Variants in NOS2 observed in about 807,000 individuals in gnomAD.
The protein encoded by NOS2 is nitric oxide synthase 2, also known as nitric oxide synthase, inducible.
A neutral mutation model predicts 136.0 loss-of-function variants in NOS2; 96 were observed. The ratio of observed to expected loss-of-function variants is 0.71; its 90% CI spans 0.60 to 0.84. The LOEUF (loss-of-function observed/expected upper bound fraction) is 0.84. NOS2 is among the 40% of genes least tolerant of loss of function. The pLI, the probability that NOS2 is intolerant of heterozygous loss-of-function variation, is 0.00. For missense variants in NOS2, 1,237 were observed against 1,496.9 expected (o/e 0.83, Z 2.87); for synonymous variants, 539 against 587.5 (o/e 0.92, Z 1.20).
chr17:27,799,596 C>T (rs1216470451), intron 1 of NOS2, among the ~76,000 whole-genome samples: 4 of 152,216 alleles, frequency 2.6e-5, no homozygotes, highest in Admixed American at 2.6e-4. Flanking sequence ...GTAATCCCAG[C>T]ATTTCGGGAG....
intron 25 of NOS2, 123 bp from the exon 26 acceptor site, chr17:27,759,198 C>T (rs1567631777): frequency 1.6e-6 from 1 of 626,590 alleles, no homozygotes; most frequent in Non-Finnish European, 2.7e-6. Context: ...AGTCCCCTTC[C>T]AGCCAGGACC....
rs1908019667 is a variant in NOS2, at chr17:27,758,962, C to T, written c.3273G>A (p.Val1091=). The change falls in exon 26 of 27, where the codon GTG becomes GTA. Residue 1091 remains valine, a synonymous_variant. Transcript: ENST00000313735. ...CCACCAGCTGCTTCAGGGTGTGGGC[C>T]ACGTCCCGGGCCATGCGCACATCCC... is the stretch of plus-strand genomic sequence containing the variant. ...VCGDVRMARD[V]AHTLKQLVAA... 2 of 1,612,942 alleles carry T rather than the reference C, an allele frequency of 1.2e-6. No homozygotes were observed. Among genetic ancestry groups the T allele is most frequent in the Admixed American group, 1.7e-5 (1 of 59,938 alleles).
chr17:27,798,996 A>C, intron 1 of NOS2, 114 bp from the exon 2 acceptor site: 2 of 594,736 alleles, frequency 3.4e-6, no homozygotes, highest in Non-Finnish European at 6.0e-6. Context: ...GAGCCCCTTC[A>C]TCAATGCTTT....
At chr17:27,788,291 G>C (rs1909085504) in intron 4 of NOS2, among the ~76,000 whole-genome samples, 1 of 151,890 alleles carries the variant, frequency 6.6e-6, no homozygotes, top group South Asian at 2.1e-4. Flanking sequence ...TTGCTTTCAT[G>C]GTCCTGAAAT....
intron 7 of NOS2, 126 bp downstream of exon 7, chr17:27,781,889 T>C (rs1157857712): frequency 1.2e-6 from 1 of 804,322 alleles, no homozygotes; most frequent in East Asian, 2.7e-5. Context: ...AGTCTTTCTC[T>C]TTTTTCTTTC....
In NOS2 at chr17:27,774,331, T is replaced by C. The variant is rs199924341; in HGVS notation, c.1402A>G (p.Met468Val). Residue 468 changes from methionine to valine, a missense_variant, in exon 12 of 27, where the codon ATG becomes GTG. By Grantham distance (21) the Met-to-Val change is conservative. Coordinates refer to ENST00000313735, the MANE Select transcript of NOS2 (RefSeq NM_000625.4). ...AACACGGGGGTGATGCTCCCAGACA[T>C]GGGAGGGACCAGCCAAATCCAGTCT... ...PADWIWLVPPMSGSITPVFHQ... is the reference protein window; with the variant it reads ...PADWIWLVPPVSGSITPVFHQ... The C allele has an allele frequency of 1.6e-5, 26 of 1,584,922 alleles. No homozygotes were observed. Among genetic ancestry groups the C allele is most frequent in the Non-Finnish European group, 2.1e-5 (24 of 1,166,098 alleles).
At position 27,770,899 on chromosome 17, in the gene NOS2, C is replaced by G. The variant is rs202056984; in HGVS notation, c.1809+14G>C. 1 of 1,607,806 alleles carries G rather than the reference C, an allele frequency of 6.2e-7. No individual in the cohort carries two copies. The highest frequency in any genetic ancestry group is 1.3e-5 in the African/African-American group (1 of 74,940). On this transcript the variant is annotated intron_variant, in intron 15 of 26. Transcript: ENST00000313735. Reference sequence around the variant, plus strand: ...CTACCACCCCCTAGACCAGCCAGACCTCAAGCCACCCACCTCTCCATTGCC... The same window carrying G: ...CTACCACCCCCTAGACCAGCCAGACGTCAAGCCACCCACCTCTCCATTGCC...
Position 27,757,253 on chromosome 17 carries a change from G to C in NOS2, c.3455C>G (p.Ala1152Gly). 1.2e-6 allele frequency: 2 copies of C among 1,613,532 alleles called. No homozygotes were observed. The highest frequency in any genetic ancestry group is 1.7e-6 in the Non-Finnish European group (2 of 1,179,680). ...AVQPSSLEMS[A>G]L is the part of the protein sequence containing the mutation. ...AACCCCTCCTGTAGGCCCTCAGAGC[G>C]CTGACATCTCCAGGCTGCTGGGCTG... The change falls in exon 27 of 27, where the codon GCG becomes GGG. Residue 1152 changes from alanine (A) to glycine (G), a missense_variant. By Grantham distance (60) the Ala-to-Gly change is moderately conservative (BLOSUM62 0). Transcript: ENST00000313735.
At chr17:27,763,321 G>C (rs1036639100) in intron 21 of NOS2, among the ~76,000 whole-genome samples, 2 of 152,170 alleles carry the variant, frequency 1.3e-5, no homozygotes, top group African/African-American at 4.8e-5. Context: ...TCTTGGCTGG[G>C]TGTCCTCACT....
At chr17:27,776,834 G>T (rs893962363) in intron 11 of NOS2, among the ~76,000 whole-genome samples, 1 of 152,164 alleles carries the variant, frequency 6.6e-6, no homozygotes, top group Non-Finnish European at 1.5e-5. Flanking sequence ...ATAATCCTCA[G>T]ATGAGGGAGG....
At chr17:27,758,187 C>T (rs1487470684) in intron 26 of NOS2, among the ~76,000 whole-genome samples, 4 of 152,178 alleles carry the variant, frequency 2.6e-5, no homozygotes, top group Admixed American at 6.5e-5. Context: ...AATAAATGTT[C>T]AGTTGAACGT....
In NOS2 at chr17:27,760,041, C is replaced by T; in HGVS notation, c.3148G>A (p.Gly1050Ser). The change falls in exon 25 of 27, where the codon GGC becomes AGC. Residue 1050 changes from glycine to serine, a missense_variant. Coordinates refer to ENST00000313735, the MANE Select transcript of NOS2 (RefSeq NM_000625.4). The part of the protein sequence containing the change: ...AVHTAYSRLP[G>S]KPKVYVQDIL... The stretch of plus-strand genomic sequence containing the variant: ...GAGGCTGCATTTACCTTGGGCTTGC[C>T]AGGCAGGCGGGAATAGGCTGTGTGC... The T allele has an allele frequency of 6.5e-7, 1 of 1,535,238 alleles. No individual in the cohort carries two copies. Among genetic ancestry groups the T allele is most frequent in the Non-Finnish European group, 8.7e-7 (1 of 1,143,116 alleles).
intron 17 of NOS2, among the ~76,000 whole-genome samples, chr17:27,768,302 C>T: frequency 6.6e-6 from 1 of 152,238 alleles, no homozygotes; most frequent in South Asian, 2.1e-4. Context: ...CTGCCCACCT[C>T]AGCCTCCTAA....
chr17:27,793,656 C>T, intron 2 of NOS2: 1 of 397,032 alleles, frequency 2.5e-6, no homozygotes, highest in Non-Finnish European at 4.4e-6. Context: ...ACAGCCGGGG[C>T]CCGGCGGCCT....
chr17:27,765,928 G>A (rs1047190354), intron 19 of NOS2, among the ~76,000 whole-genome samples: 2 of 152,142 alleles, frequency 1.3e-5, no homozygotes, highest in Non-Finnish European at 2.9e-5. Context: ...GGAGGAGGGG[G>A]GCCCACCCCT....
At chr17:27,798,923 G>A (rs1389594693) in intron 1 of NOS2, 41 bp from the exon 2 acceptor site, 1 of 725,662 alleles carries the variant, frequency 1.4e-6, no homozygotes. Flanking sequence ...TTGAAGAAGA[G>A]TTTACAGAAC....
Position 27,783,111 on chromosome 17 carries a change from G to A in NOS2, c.468-5C>T, listed in dbSNP as rs761979748. 1 of 1,613,966 alleles carries A rather than the reference G, an allele frequency of 6.2e-7. No individual in the cohort carries two copies. The highest frequency in any genetic ancestry group is 8.5e-7 in the Non-Finnish European group (1 of 1,179,920). ...AGATGTTCCTCTATTTTTGCCCTGG[G>A]GGACAGGAAGACAGCAGGAAGATCA... On this transcript the variant is annotated splice_region_variant and splice_polypyrimidine_tract_variant and intron_variant, in intron 5 of 26. Coordinates refer to ENST00000313735, the MANE Select transcript of NOS2 (RefSeq NM_000625.4).
At chr17:27,788,972 T>A in intron 3 of NOS2, 41 bp from the exon 4 acceptor site, 1 of 1,602,098 alleles carries the variant, frequency 6.2e-7, no homozygotes, top group Non-Finnish European at 8.5e-7. Context: ...AGGTCTCTCC[T>A]AGACCCCAGG....
At position 27,791,779 on chromosome 17, in the gene NOS2, A is replaced by AAC. The variant is rs1555540989; in HGVS notation, c.111-2092_111-2091insGT. 3.6e-3 allele frequency among the ~76,000 whole-genome samples: 479 copies of AAC among 131,760 alleles called. 37 individuals carry two copies. Among genetic ancestry groups the AAC allele is most frequent in the African/African-American group, 0.012 (457 of 37,776 alleles). 86.4% of individuals were successfully genotyped at this position (131,760 alleles called of 152,430 possible). On this transcript the variant is annotated intron_variant, in intron 2 of 26. Transcript: ENST00000313735. ...TGGTGTGGCCTGCCAGAAAAAAACA[A>AAC]AACAAAACAAAACAAAACAAAACAA...
Sources: gnomAD v4.1 joint callset for allele counts (sites outside exome capture counted in the v4.1 genomes callset) on GRCh38, gnomAD v4.1.1 for gene constraint, MANE v1.5 for transcripts, NCBI Gene and HGNC (gene_info 2026-07-23, HGNC 2026-07-21) for gene names.